Variants in ATP10B observed in about 807,000 individuals in gnomAD.
ATP10B encodes the protein ATPase phospholipid transporting 10B (putative).
Under a neutral mutation model 141.2 loss-of-function variants are expected in ATP10B, and 122 were observed. The ratio of observed to expected loss-of-function variants is 0.86; its 90% CI spans 0.75 to 1.00. ATP10B has a LOEUF of 1.00. ATP10B is among the 50% of genes least tolerant of loss of function. The probability of loss-of-function intolerance (pLI) is 0.00; values close to 1 mark genes in which losing one functional copy is unlikely to be tolerated. For missense variants in ATP10B, 1,876 were observed against 1,825.3 expected, an observed-to-expected ratio of 1.03 and a Z score of -0.51; for synonymous variants, 685 against 692.0, an observed-to-expected ratio of 0.99 and a Z score of 0.16.
the ATP10B span, among the ~76,000 whole-genome samples, chr5:160,871,078 A>G: frequency 4.0e-5 from 6 of 150,622 alleles, no homozygotes; most frequent in African/African-American, 1.5e-4. Flanking sequence ...GTTGTTATTT[A>G]GAGAGGAGGA....
At chr5:160,754,355 G>A (rs1439159928) in intron 2 of ATP10B, among the ~76,000 whole-genome samples, 1 of 152,060 alleles carries the variant, frequency 6.6e-6, no homozygotes, top group Non-Finnish European at 1.5e-5. Flanking sequence ...TCTTTATGTG[G>A]CTCAGGATTT....
At chr5:160,622,272 G>A (rs1758386859) in intron 14 of ATP10B, 122 bp downstream of exon 14, 2 of 925,550 alleles carry the variant, frequency 2.2e-6, no homozygotes, top group East Asian at 2.7e-5. Context: ...GTGATGAAAT[G>A]ACACTGTTGC....
chr5:160,890,911 T>C, the ATP10B span, among the ~76,000 whole-genome samples: 1 of 152,212 alleles, frequency 6.6e-6, no homozygotes, highest in African/African-American at 2.4e-5. Flanking sequence ...GGTCTCACTA[T>C]GTTGACCAGG....
intron 1 of ATP10B, among the ~76,000 whole-genome samples, chr5:160,827,667 G>A (rs1420159266): frequency 1.3e-5 from 2 of 152,140 alleles, no homozygotes; most frequent in South Asian, 2.1e-4. Flanking sequence ...ATGTTGAGAA[G>A]GGCATTTCCT....
At chr5:160,684,762 C>G in intron 6 of ATP10B, 1 of 615,638 alleles carries the variant, frequency 1.6e-6, no homozygotes, top group Non-Finnish European at 2.9e-6. Context: ...CTTCTACAAA[C>G]AGTAACTGCA....
intron 7 of ATP10B, among the ~76,000 whole-genome samples, chr5:160,652,993 TA>T (rs1369786762): frequency 1.5e-5 from 1 of 66,616 alleles, no homozygotes; most frequent in Admixed American, 2.1e-4. Context: ...TACATATTTA[TA>T]TTTATATATT....
chr5:160,602,428 G>T, intron 21 of ATP10B, 149 bp downstream of exon 21: 1 of 974,708 alleles, frequency 1.0e-6, no homozygotes, highest in Non-Finnish European at 1.5e-6. Context: ...AGGTCACAGA[G>T]CTATTAAGGA....
At chr5:160,888,548 A>G in the ATP10B span, among the ~76,000 whole-genome samples, 1 of 152,142 alleles carries the variant, frequency 6.6e-6, no homozygotes, top group Admixed American at 6.6e-5. Context: ...AAATAAGACA[A>G]TCTGCTTCTT....
At chr5:160,907,180 G>A in the ATP10B span, among the ~76,000 whole-genome samples, 2 of 151,920 alleles carry the variant, frequency 1.3e-5, no homozygotes, top group Non-Finnish European at 2.9e-5. Flanking sequence ...CTGGTTCTTC[G>A]GCCTTCATGC....
chr5:160,833,948 C>G (rs1775266348), intron 1 of ATP10B, among the ~76,000 whole-genome samples: 1 of 152,026 alleles, frequency 6.6e-6, no homozygotes, highest in South Asian at 2.1e-4. Flanking sequence ...AATATATGCC[C>G]TGTGGTTTCC....
chr5:160,689,083 T>C (rs549561880), intron 3 of ATP10B, 140 bp from the exon 4 acceptor site: 45 of 218,166 alleles, frequency 2.1e-4, no homozygotes, highest in Non-Finnish European at 2.6e-4. Flanking sequence ...CATACACAAA[T>C]CAATAAACGT....
chr5:160,742,449 A>C (rs1227904777), intron 2 of ATP10B, among the ~76,000 whole-genome samples: 1 of 151,978 alleles, frequency 6.6e-6, no homozygotes, highest in African/African-American at 2.4e-5. Context: ...CAGGGCTTTT[A>C]TCCTCATACT....
intron 7 of ATP10B, among the ~76,000 whole-genome samples, chr5:160,651,706 G>A (rs74702429): frequency 0.013 from 1,912 of 152,170 alleles, 40 homozygotes; most frequent in African/African-American, 0.043. Flanking sequence ...TTCTGGCTTC[G>A]TGTAAATATA....
chr5:160,843,621 C>T (rs969676169), intron 1 of ATP10B, among the ~76,000 whole-genome samples: 5 of 152,004 alleles, frequency 3.3e-5, no homozygotes, highest in Admixed American at 2.6e-4. Flanking sequence ...ATAGAGATTT[C>T]CCCAAATTTG....
chr5:160,784,716 G>A (rs1222787753), intron 2 of ATP10B, among the ~76,000 whole-genome samples: 6 of 152,210 alleles, frequency 3.9e-5, no homozygotes, highest in East Asian at 1.9e-4. Context: ...GCCAAGGCTT[G>A]TGCCTGCTTT....
At chr5:160,707,412 T>A (rs1381173429) in intron 3 of ATP10B, among the ~76,000 whole-genome samples, 1 of 152,218 alleles carries the variant, frequency 6.6e-6, no homozygotes, top group Non-Finnish European at 1.5e-5. Context: ...GGTCTCTTGA[T>A]GACAGCCAAT....
the ATP10B span, among the ~76,000 whole-genome samples, chr5:160,927,481 C>A: frequency 6.6e-6 from 1 of 152,132 alleles, no homozygotes; most frequent in Non-Finnish European, 1.5e-5. Flanking sequence ...TTTTATCTTA[C>A]CCCAAGAATG....
At chr5:160,899,658 A>T in the ATP10B span, among the ~76,000 whole-genome samples, 1 of 152,230 alleles carries the variant, frequency 6.6e-6, no homozygotes, top group African/African-American at 2.4e-5. Flanking sequence ...TGTTCATCAC[A>T]AATATTTTTT....
At chr5:160,636,849 CATAT>C (rs1356893590) in intron 10 of ATP10B, among the ~76,000 whole-genome samples, 4 of 151,454 alleles carry the variant, frequency 2.6e-5, no homozygotes, top group Non-Finnish European at 5.9e-5. Context: ...TCCACCCACT[CATAT>C]ACCCACCCTT....
Sources: gnomAD v4.1 joint callset for allele counts (sites outside exome capture counted in the v4.1 genomes callset) on GRCh38, gnomAD v4.1.1 for gene constraint, MANE v1.5 for transcripts, NCBI Gene and HGNC (gene_info 2026-07-23, HGNC 2026-07-21) for gene names.